Variants in BTBD8 observed in about 807,000 individuals in gnomAD.
The protein encoded by BTBD8 is BTB domain containing 8.
A neutral mutation model predicts 162.9 loss-of-function variants in BTBD8; 110 were observed. The observed-to-expected ratio is 0.68, with a 90% CI of 0.58 to 0.79. The LOEUF (loss-of-function observed/expected upper bound fraction) is 0.79. Among genes scored for constraint, BTBD8 ranks in the 30% least tolerant of loss-of-function variants. The probability of loss-of-function intolerance (pLI) is 0.00; values close to 1 mark genes in which losing one functional copy is unlikely to be tolerated. For synonymous variants in BTBD8, 667 were observed against 716.1 expected (o/e 0.93, Z 1.10); for missense variants, 1,905 against 2,085.4 (o/e 0.91, Z 1.68).
intron 9 of BTBD8, among the ~76,000 whole-genome samples, chr1:92,157,330 C>T (rs868386163): frequency 6.6e-6 from 1 of 152,086 alleles, no homozygotes; most frequent in South Asian, 2.1e-4. Flanking sequence ...TGTGACCGAA[C>T]ATGATAGATT....
intron 3 of BTBD8, among the ~76,000 whole-genome samples, chr1:92,103,724 C>T (rs1648655739): frequency 6.6e-6 from 1 of 152,132 alleles, no homozygotes; most frequent in Admixed American, 6.5e-5. Context: ...AAGGTAGTTT[C>T]CTTACCCTGT....
intron 14 of BTBD8, 36 bp downstream of exon 14, chr1:92,177,582 A>C (rs1310208845): frequency 7.3e-7 from 1 of 1,362,938 alleles, no homozygotes; most frequent in Admixed American, 2.8e-5. Context: ...ATATCTCCTG[A>C]CAGTTAAATT....
At chr1:92,091,471 A>ATG (rs931790781) in intron 2 of BTBD8, among the ~76,000 whole-genome samples, 6 of 151,140 alleles carry the variant, frequency 4.0e-5, no homozygotes, top group African/African-American at 1.5e-4. Context: ...GTGTATGTGT[A>ATG]TGTGTGTGTG....
At chr1:92,102,793 T>C in intron 3 of BTBD8, 124 bp downstream of exon 3, 1 of 867,734 alleles carries the variant, frequency 1.2e-6, no homozygotes, top group Non-Finnish European at 1.6e-6. Context: ...CATGGAGAAC[T>C]GAAAACACTA....
chr1:92,081,735 G>T (rs1648021463), intron 1 of BTBD8, among the ~76,000 whole-genome samples: 1 of 152,184 alleles, frequency 6.6e-6, no homozygotes. Context: ...CACCACGCCC[G>T]GCTAATTTTT....
At chr1:92,111,444 A>T (rs1307506300) in intron 4 of BTBD8, among the ~76,000 whole-genome samples, 1 of 152,212 alleles carries the variant, frequency 6.6e-6, no homozygotes, top group Non-Finnish European at 1.5e-5. Flanking sequence ...AATATTTAGT[A>T]AATTGGCACT....
rs1650428571 is a variant in BTBD8 at position 92,168,005 on chromosome 1, T to G, written c.1443+20T>G. ...GAAATGGTACTGAATGTAATGAAAT[T>G]TATTAAAATAATGCAATATTTGAAC... On this transcript the variant is annotated intron_variant, in intron 11 of 17. Coordinates refer to ENST00000636805, the MANE Select transcript of BTBD8 (RefSeq NM_001376131.1). 7 of 1,517,214 alleles carry G rather than the reference T, an allele frequency of 4.6e-6. No individual in the cohort carries two copies. Among genetic ancestry groups the G allele is most frequent in the Admixed American group, 2.1e-5 (1 of 47,430 alleles). 94.0% of individuals were successfully genotyped at this position (1,517,214 alleles called of 1,614,324 possible).
chr1:92,122,638 A>C (rs995893161), intron 4 of BTBD8, among the ~76,000 whole-genome samples: 1 of 151,638 alleles, frequency 6.6e-6, no homozygotes, highest in East Asian at 1.9e-4. Context: ...ATCTCGGCTC[A>C]CTACAAGCCT....
intron 4 of BTBD8, chr1:92,126,350 T>C: frequency 1.6e-6 from 1 of 614,132 alleles, no homozygotes; most frequent in East Asian, 4.5e-5. Context: ...TGGTTGTACA[T>C]GGCCCCTTGA....
At chr1:92,169,589 A>C (rs1000236366) in intron 12 of BTBD8, among the ~76,000 whole-genome samples, 1 of 152,188 alleles carries the variant, frequency 6.6e-6, no homozygotes, top group Non-Finnish European at 1.5e-5. Flanking sequence ...AAAATATCAA[A>C]ATAAAAATTT....
At chr1:92,130,557 CACACACACACAT>C (rs1649492055) in intron 5 of BTBD8, among the ~76,000 whole-genome samples, 4 of 146,318 alleles carry the variant, frequency 2.7e-5, no homozygotes, top group Middle Eastern at 3.5e-3. Flanking sequence ...CACACACACA[CACACACACACAT>C]ATACGCACAC....
intron 9 of BTBD8, among the ~76,000 whole-genome samples, chr1:92,149,009 G>T (rs1227824326): frequency 1.3e-5 from 2 of 152,160 alleles, no homozygotes; most frequent in Non-Finnish European, 2.9e-5. Context: ...TAAAGTTTGG[G>T]CTACCCTTCC....
In BTBD8 at chr1:92,180,405, G is replaced by C. The variant is rs1650848437; in HGVS notation, c.2722G>C (p.Ala908Pro). The change falls in exon 17 of 18, where the codon GCT (alanine) becomes CCT (proline). Residue 908 changes from alanine to proline, a missense_variant. Ala to Pro is a conservative substitution (Grantham distance 27). Transcript: ENST00000636805. ...KRKMVKQVHT[A>P]LPKVNAKIVA... is the part of the protein sequence containing the mutation. ...AAAAATGGTCAAGCAAGTACACACA[G>C]CTTTGCCTAAGGTTAATGCAAAAAT... 6.4e-7 allele frequency: 1 copy of C among 1,551,466 alleles called. No individual in the cohort carries two copies. Among genetic ancestry groups the C allele is most frequent in the Non-Finnish European group, 8.7e-7 (1 of 1,146,978 alleles).
chr1:92,092,984 G>A (rs1162248844), intron 2 of BTBD8, among the ~76,000 whole-genome samples: 1 of 152,040 alleles, frequency 6.6e-6, no homozygotes, highest in Non-Finnish European at 1.5e-5. Context: ...TTTCTTTAAT[G>A]ACTTTTTTCT....
At chr1:92,128,113 G>A (rs541372469) in intron 4 of BTBD8, among the ~76,000 whole-genome samples, 5 of 151,906 alleles carry the variant, frequency 3.3e-5, no homozygotes, top group Admixed American at 3.3e-4. Flanking sequence ...ATACCCAACA[G>A]TTTATTTTTA....
intron 3 of BTBD8, among the ~76,000 whole-genome samples, chr1:92,105,462 A>C (rs1648702404): frequency 1.3e-5 from 2 of 151,258 alleles, no homozygotes; most frequent in African/African-American, 4.9e-5. Flanking sequence ...TGCGTTGCCC[A>C]GGCTGGTCTT....
intron 5 of BTBD8, among the ~76,000 whole-genome samples, chr1:92,130,570 A>G (rs896305019): frequency 1.0e-5 from 1 of 99,144 alleles, no homozygotes; most frequent in African/African-American, 2.8e-5. Flanking sequence ...ACACACACAT[A>G]TACGCACACA....
chr1:92,146,697 C>G (rs1263695994), intron 7 of BTBD8, among the ~76,000 whole-genome samples: 1 of 152,126 alleles, frequency 6.6e-6, no homozygotes, highest in African/African-American at 2.4e-5. Context: ...AATATAGTTG[C>G]AATCATACAG....
chr1:92,177,283 C>G lies in BTBD8; in HGVS notation c.2090C>G (p.Thr697Arg), dbSNP rs749173234. The change falls in exon 14 of 18, where the codon ACA becomes AGA. Residue 697 changes from threonine to arginine, a missense_variant. Thr to Arg is a moderately conservative substitution (Grantham distance 71). Around this residue, in one of 3 missense-constraint regions of BTBD8, gnomAD observed 1,374 missense variants for 1,442.7 expected, o/e 0.95. Transcript: ENST00000636805. Reference sequence around the variant, plus strand: ...TCAGGTGCCAGACCCAAGGTACTCACAGGAAACTTAAATGTGCAAGCCAAA... The same window carrying G: ...TCAGGTGCCAGACCCAAGGTACTCAGAGGAAACTTAAATGTGCAAGCCAAA... ...QISGARPKVL[T>R]GNLNVQAKAK... is the part of the protein sequence containing the mutation. 1 of 1,552,056 alleles carries G rather than the reference C, an allele frequency of 6.4e-7. No homozygotes were observed. Among genetic ancestry groups the G allele is most frequent in the African/African-American group, 1.4e-5 (1 of 73,142 alleles).
Sources: allele counts gnomAD v4.1 joint callset (sites outside exome capture counted in the v4.1 genomes callset), GRCh38; gene constraint gnomAD v4.1.1; regional missense constraint gnomAD v4.1.1; transcripts MANE v1.5; gene names NCBI Gene and HGNC (gene_info 2026-07-23, HGNC 2026-07-21).